DGKI: variants seen among roughly 807,000 people sequenced by gnomAD.
DGKI encodes diacylglycerol kinase iota.
A neutral mutation model predicts 147.5 loss-of-function variants in DGKI; 55 were observed. The ratio of observed to expected loss-of-function variants is 0.37; its 90% CI spans 0.30 to 0.47. The LOEUF (loss-of-function observed/expected upper bound fraction) is 0.47, where lower values mean the gene tolerates loss of function less well. Ranked by LOEUF, DGKI falls within the 20% of genes least tolerant of loss-of-function variation. The pLI, the probability that DGKI is intolerant of heterozygous loss-of-function variation, is 1.00. For missense variants in DGKI, 1,007 were observed against 1,323.8 expected (o/e 0.76, Z 3.71); for synonymous variants, 469 against 477.1 (o/e 0.98, Z 0.22).
chr7:137,609,829 G>A (rs1025540354), intron 8 of DGKI, among the ~76,000 whole-genome samples: 2 of 152,066 alleles, frequency 1.3e-5, no homozygotes, highest in African/African-American at 4.8e-5. Context: ...GAGGCAGGGA[G>A]TAAGAACCCC....
chr7:137,843,923 G>C (rs931829844), intron 1 of DGKI, among the ~76,000 whole-genome samples: 1 of 151,920 alleles, frequency 6.6e-6, no homozygotes. Flanking sequence ...TCCCCCTCAC[G>C]CAAGCAGCCA....
chr7:137,777,808 T>A (rs1585479832), intron 1 of DGKI, among the ~76,000 whole-genome samples: 2 of 152,354 alleles, frequency 1.3e-5, no homozygotes, highest in African/African-American at 4.8e-5. Flanking sequence ...TGGTTCTAAC[T>A]TTACCTTGTT....
chr7:137,621,945 T>G (rs1820763248), intron 7 of DGKI, among the ~76,000 whole-genome samples: 1 of 152,228 alleles, frequency 6.6e-6, no homozygotes, highest in South Asian at 2.1e-4. Context: ...ATAGCAGCAC[T>G]GGGGACCCCA....
chr7:137,519,309 G>A (rs555302522), intron 21 of DGKI, among the ~76,000 whole-genome samples: 2 of 152,152 alleles, frequency 1.3e-5, no homozygotes, highest in Middle Eastern at 6.8e-3. Flanking sequence ...GGCTTTGTTA[G>A]GTGACAAACA....
In DGKI at chr7:137,386,190, T is replaced by A. The variant is rs551730915; in HGVS notation, c.*5030A>T. 29 of 152,254 alleles carry A rather than the reference T, an allele frequency of 1.9e-4. No homozygotes were observed. Among genetic ancestry groups the A allele is most frequent in the Middle Eastern group, 3.4e-3 (1 of 294 alleles). The allele number at this position is 152,254 out of a possible 1,614,324, so 9.4% of individuals were successfully genotyped here. On this transcript the variant is annotated 3_prime_UTR_variant, in exon 33 of 33. Coordinates refer to ENST00000614521, the MANE Select transcript of DGKI (RefSeq NM_001321708.2). ...TGCTTTCTTTCTGGGACCTGGTCAG[T>A]AAATCTCAGTGTCCTGGGAGAGGAG...
At chr7:137,720,993 A>C (rs1794540018) in intron 1 of DGKI, among the ~76,000 whole-genome samples, 1 of 152,232 alleles carries the variant, frequency 6.6e-6, no homozygotes, top group Admixed American at 6.5e-5. Context: ...GTGTATGAAT[A>C]GACTTACATA....
chr7:137,576,654 A>G (rs1818989020), intron 17 of DGKI, among the ~76,000 whole-genome samples: 1 of 152,202 alleles, frequency 6.6e-6, no homozygotes, highest in Non-Finnish European at 1.5e-5. Flanking sequence ...AGACCCAGGA[A>G]GAAACAGCAC....
chr7:137,609,142 C>T, intron 9 of DGKI, 78 bp from the exon 10 acceptor site: 1 of 1,110,378 alleles, frequency 9.0e-7, no homozygotes. Flanking sequence ...AGGTGGAAAA[C>T]CACCCAATAA....
At chr7:137,492,954 C>T (rs1217716831) in intron 21 of DGKI, among the ~76,000 whole-genome samples, 1 of 152,178 alleles carries the variant, frequency 6.6e-6, no homozygotes, top group East Asian at 1.9e-4. Flanking sequence ...ATCAGCCCAC[C>T]CGCACCCTCC....
At chr7:137,408,101 G>T in intron 29 of DGKI, 106 bp from the exon 30 acceptor site, 1 of 1,370,996 alleles carries the variant, frequency 7.3e-7, no homozygotes, top group Non-Finnish European at 1.0e-6. Flanking sequence ...AATGTTTCCA[G>T]CCTTAGAGGA....
intron 1 of DGKI, among the ~76,000 whole-genome samples, chr7:137,751,203 C>T (rs1353457388): frequency 6.6e-6 from 1 of 152,220 alleles, no homozygotes; most frequent in Non-Finnish European, 1.5e-5. Context: ...TTAGAAGCAG[C>T]AGTCATCACT....
At chr7:137,451,611 C>T (rs563795016) in intron 27 of DGKI, among the ~76,000 whole-genome samples, 1 of 152,266 alleles carries the variant, frequency 6.6e-6, no homozygotes, top group East Asian at 1.9e-4. Flanking sequence ...TAAAGTATTG[C>T]ACCTCTTATG....
intron 1 of DGKI, among the ~76,000 whole-genome samples, chr7:137,808,198 G>A (rs947773058): frequency 6.6e-6 from 1 of 152,140 alleles, no homozygotes; most frequent in Non-Finnish European, 1.5e-5. Flanking sequence ...AAAGTCAGGT[G>A]TTGTTATTTC....
At chr7:137,747,843 C>G (rs1389743660) in intron 1 of DGKI, among the ~76,000 whole-genome samples, 2 of 152,224 alleles carry the variant, frequency 1.3e-5, no homozygotes, top group Non-Finnish European at 2.9e-5. Flanking sequence ...TATCCAGGCT[C>G]TACTCAGACT....
chr7:137,748,389 G>A (rs1484915712), intron 1 of DGKI, among the ~76,000 whole-genome samples: 1 of 150,802 alleles, frequency 6.6e-6, no homozygotes, highest in Non-Finnish European at 1.5e-5. Context: ...ATATAAAACT[G>A]AAATACAGAA....
chr7:137,706,514 C>T (rs201986704), intron 1 of DGKI, among the ~76,000 whole-genome samples: 7 of 105,532 alleles, frequency 6.6e-5, no homozygotes, highest in Admixed American at 1.9e-4. Context: ...TATTTTATTT[C>T]ATTTTATTTT....
At chr7:137,485,537 G>A (rs930465847) in intron 22 of DGKI, 119 bp from the exon 23 acceptor site, 46 of 738,068 alleles carry the variant, frequency 6.2e-5, no homozygotes, top group African/African-American at 7.2e-5. Flanking sequence ...GGAAAGTATC[G>A]AACACACCCA....
intron 3 of DGKI, among the ~76,000 whole-genome samples, chr7:137,671,109 T>C (rs1375355323): frequency 6.6e-6 from 1 of 152,152 alleles, no homozygotes; most frequent in Admixed American, 6.5e-5. Context: ...CTCAAAATCA[T>C]TTTCATTTTT....
At chr7:137,442,931 T>A (rs1813566946) in intron 28 of DGKI, among the ~76,000 whole-genome samples, 1 of 152,144 alleles carries the variant, frequency 6.6e-6, no homozygotes, top group African/African-American at 2.4e-5. Flanking sequence ...GATAAGCAGA[T>A]CAGCAAGCCC....
Sources: gnomAD v4.1 joint callset for allele counts (sites outside exome capture counted in the v4.1 genomes callset) on GRCh38, gnomAD v4.1.1 for gene constraint, MANE v1.5 for transcripts, NCBI Gene and HGNC (gene_info 2026-07-23, HGNC 2026-07-21) for gene names.